CNTLN: variants seen among roughly 807,000 people sequenced by gnomAD.
CNTLN encodes the protein centlein.
CNTLN carries 212 observed loss-of-function variants against 180.0 expected under a neutral mutation model. That is an observed-to-expected ratio of 1.18 (90% confidence interval 1.05 to 1.32). The LOEUF is 1.32. CNTLN is among the 40% of genes most tolerant of loss of function. CNTLN has a pLI of 0.00. For synonymous variants in CNTLN, 722 were observed against 563.1 expected (o/e 1.28, Z -3.99); for missense variants, 2,095 against 1,610.9 (o/e 1.30, Z -5.14).
At chr9:17,373,618 CAG>C (rs1824509983) in intron 13 of CNTLN, among the ~76,000 whole-genome samples, 1 of 151,902 alleles carries the variant, frequency 6.6e-6, no homozygotes, top group African/African-American at 2.4e-5. Context: ...TTCACAGAAA[CAG>C]AAAAAACAAT....
chr9:17,269,978 C>A (rs2132478474), intron 5 of CNTLN, among the ~76,000 whole-genome samples: 1 of 152,178 alleles, frequency 6.6e-6, no homozygotes, highest in Admixed American at 6.5e-5. Flanking sequence ...TATAGAAAAT[C>A]ATCTGAGTTT....
downstream of CNTLN, among the ~76,000 whole-genome samples, chr9:17,504,740 C>T (rs1357049730): frequency 4.6e-5 from 7 of 152,020 alleles, no homozygotes; most frequent in African/African-American, 2.4e-5. Context: ...ATGGAGGAAA[C>T]GGCCATGAGC....
chr9:17,506,527 C>T (rs928164923), downstream of CNTLN, among the ~76,000 whole-genome samples: 4 of 152,084 alleles, frequency 2.6e-5, no homozygotes, highest in Non-Finnish European at 5.9e-5. Context: ...TATGGGACAG[C>T]GGAAAGAGTG....
At chr9:17,464,094 T>C (rs1040093721) in intron 20 of CNTLN, among the ~76,000 whole-genome samples, 2 of 151,464 alleles carry the variant, frequency 1.3e-5, no homozygotes, top group Non-Finnish European at 3.0e-5. Context: ...TACAAGAGTT[T>C]GCATTTGTTT....
chr9:17,427,605 A>C (rs551571057), intron 18 of CNTLN, among the ~76,000 whole-genome samples: 9 of 152,178 alleles, frequency 5.9e-5, no homozygotes, highest in Non-Finnish European at 1.3e-4. Flanking sequence ...ACATATAGGC[A>C]TGACAGTTCA....
intron 8 of CNTLN, among the ~76,000 whole-genome samples, chr9:17,318,466 T>C (rs1055168402): frequency 5.3e-5 from 8 of 152,160 alleles, no homozygotes; most frequent in Non-Finnish European, 7.3e-5. Flanking sequence ...ACTTAGACTA[T>C]GTTATAAAAA....
chr9:17,376,960 C>A (rs576644348), intron 13 of CNTLN, among the ~76,000 whole-genome samples: 1 of 152,016 alleles, frequency 6.6e-6, no homozygotes, highest in Admixed American at 6.5e-5. Context: ...AGATTAAAAA[C>A]AATTACAAAA....
chr9:17,165,935 T>A (rs972726471), intron 2 of CNTLN, among the ~76,000 whole-genome samples: 8 of 152,222 alleles, frequency 5.3e-5, no homozygotes, highest in Admixed American at 2.6e-4. Flanking sequence ...TATAGAGACC[T>A]TTGGGCAAGC....
chr9:17,337,264 G>C (rs113234932), intron 10 of CNTLN, among the ~76,000 whole-genome samples: 3,263 of 152,114 alleles, frequency 0.021, 122 homozygotes, highest in African/African-American at 0.075. Context: ...TAGGTTGCCT[G>C]TTCACTCTGA....
At chr9:17,276,566 A>G (rs981443027) in intron 6 of CNTLN, among the ~76,000 whole-genome samples, 3 of 151,998 alleles carry the variant, frequency 2.0e-5, no homozygotes, top group Admixed American at 1.3e-4. Context: ...ATTGTGCTAA[A>G]GGATATTTTT....
At chr9:17,147,973 A>G (rs1486545235) in intron 2 of CNTLN, among the ~76,000 whole-genome samples, 3 of 152,354 alleles carry the variant, frequency 2.0e-5, no homozygotes, top group Non-Finnish European at 4.4e-5. Flanking sequence ...AAAGAATTAT[A>G]CTACTATACT....
At chr9:17,218,002 G>A (rs1457236785) in intron 2 of CNTLN, among the ~76,000 whole-genome samples, 1 of 151,980 alleles carries the variant, frequency 6.6e-6, no homozygotes, top group African/African-American at 2.4e-5. Flanking sequence ...TGTTTAAAGG[G>A]TTCATCTGTA....
chr9:17,459,230 A>G (rs1268486035), intron 19 of CNTLN, among the ~76,000 whole-genome samples: 1 of 151,878 alleles, frequency 6.6e-6, no homozygotes, highest in Non-Finnish European at 1.5e-5. Flanking sequence ...ACTTACTACA[A>G]ATGGTCTAAT....
At chr9:17,170,458 T>C (rs1188783188) in intron 2 of CNTLN, among the ~76,000 whole-genome samples, 1 of 152,126 alleles carries the variant, frequency 6.6e-6, no homozygotes, top group Non-Finnish European at 1.5e-5. Context: ...GTTCTCCTGA[T>C]GGTGTTCCCT....
chr9:17,449,513 A>G (rs538817482), intron 18 of CNTLN, among the ~76,000 whole-genome samples: 56 of 152,270 alleles, frequency 3.7e-4, no homozygotes, highest in African/African-American at 1.3e-3. Flanking sequence ...GAAAAAAAAA[A>G]AGAGAGAGCT....
chr9:17,378,781 T>C (rs1375671926), intron 13 of CNTLN, among the ~76,000 whole-genome samples: 1 of 152,192 alleles, frequency 6.6e-6, no homozygotes, highest in African/African-American at 2.4e-5. Flanking sequence ...AATTGTTGTC[T>C]GGCTTCAGCA....
At chr9:17,293,614 C>T (rs1413272009) in intron 6 of CNTLN, among the ~76,000 whole-genome samples, 1 of 152,258 alleles carries the variant, frequency 6.6e-6, no homozygotes, top group Non-Finnish European at 1.5e-5. Flanking sequence ...TCCAAACCAT[C>T]TAGTCTTCCT....
chr9:17,258,227 A>C (rs1457893927), intron 5 of CNTLN, among the ~76,000 whole-genome samples: 2 of 146,894 alleles, frequency 1.4e-5, no homozygotes, highest in East Asian at 2.0e-4. Flanking sequence ...CCATTTATTA[A>C]ATAGGGAATC....
intron 2 of CNTLN, among the ~76,000 whole-genome samples, chr9:17,157,809 G>C (rs75375296): frequency 0.015 from 2,217 of 152,290 alleles, 60 homozygotes; most frequent in African/African-American, 0.051. Context: ...CTTATCAGTA[G>C]TGCATAAATT....
Sources: allele counts gnomAD v4.1 joint callset (sites outside exome capture counted in the v4.1 genomes callset), GRCh38; gene constraint gnomAD v4.1.1; transcripts MANE v1.5; gene names NCBI Gene and HGNC (gene_info 2026-07-23, HGNC 2026-07-21).